CNTN4: variants seen among roughly 807,000 people sequenced by gnomAD.
The protein encoded by CNTN4 is contactin 4.
In CNTN4, 77 loss-of-function variants were observed where a neutral mutation model predicts 122.5. The ratio of observed to expected loss-of-function variants is 0.63; its 90% confidence interval spans 0.52 to 0.76. CNTN4 has a LOEUF of 0.76. Among genes scored for constraint, CNTN4 ranks in the 30% least tolerant of loss-of-function variants. CNTN4 has a pLI of 0.00. For synonymous variants in CNTN4, 512 were observed against 447.0 expected, an observed-to-expected ratio of 1.15 and a Z score of -1.83; for missense variants, 1,256 against 1,259.1, an observed-to-expected ratio of 1.00 and a Z score of 0.04.
chr3:2,256,657 A>C (rs1233204277), intron 2 of CNTN4, among the ~76,000 whole-genome samples: 3 of 151,190 alleles, frequency 2.0e-5, no homozygotes, highest in East Asian at 3.8e-4. Context: ...CAATAGGCAG[A>C]GAGCCAAATC....
At chr3:2,230,168 C>T (rs180787434) in intron 2 of CNTN4, among the ~76,000 whole-genome samples, 89 of 152,310 alleles carry the variant, frequency 5.8e-4, no homozygotes, top group African/African-American at 1.8e-3. Context: ...TACACAGCAG[C>T]GCATTGACAG....
At chr3:3,045,723 T>C (rs1700577869) in intron 23 of CNTN4, among the ~76,000 whole-genome samples, 1 of 152,018 alleles carries the variant, frequency 6.6e-6, no homozygotes, top group African/African-American at 2.4e-5. Flanking sequence ...TCAGAGCACC[T>C]CTCCTCCTCC....
At chr3:2,855,590 C>A (rs556543204) in intron 7 of CNTN4, among the ~76,000 whole-genome samples, 9 of 152,164 alleles carry the variant, frequency 5.9e-5, no homozygotes, top group Admixed American at 1.3e-4. Flanking sequence ...TTTAACTTTC[C>A]TTGTGCATAG....
At chr3:2,223,932 A>T (rs1303741935) in intron 2 of CNTN4, among the ~76,000 whole-genome samples, 1 of 152,100 alleles carries the variant, frequency 6.6e-6, no homozygotes, top group Non-Finnish European at 1.5e-5. Flanking sequence ...AGCTTACACA[A>T]AGGGATAGGA....
chr3:2,872,369 A>C (rs1374722516), intron 8 of CNTN4, among the ~76,000 whole-genome samples: 1 of 152,182 alleles, frequency 6.6e-6, no homozygotes, highest in African/African-American at 2.4e-5. Context: ...ACACACAGGG[A>C]AATCATTTAG....
intron 5 of CNTN4, among the ~76,000 whole-genome samples, chr3:2,742,446 C>G (rs1027120716): frequency 1.3e-5 from 2 of 152,180 alleles, no homozygotes; most frequent in Admixed American, 6.5e-5. Context: ...AGTACTTTTG[C>G]TGAGGTTTGT....
intron 13 of CNTN4, among the ~76,000 whole-genome samples, chr3:2,981,326 C>T (rs892443335): frequency 1.3e-5 from 2 of 151,750 alleles, no homozygotes; most frequent in South Asian, 2.1e-4. Context: ...CGCCTGTAGT[C>T]CCAGCTACTC....
chr3:2,739,695 CAT>C (rs1212140165), intron 5 of CNTN4, among the ~76,000 whole-genome samples: 3 of 152,122 alleles, frequency 2.0e-5, no homozygotes, highest in African/African-American at 7.2e-5. Flanking sequence ...AGGAGAAAAA[CAT>C]ATTTATTTAA....
At position 2,902,910 on chromosome 3, in the gene CNTN4, T is replaced by C. The variant is rs2094190415; in HGVS notation, c.1112T>C (p.Ile371Thr). The change falls in exon 12 of 25, where the codon ATA becomes ACA. Residue 371 changes from isoleucine (I) to threonine (T), a missense_variant. Transcript: ENST00000418658. Reference sequence around the variant, plus strand: ...CAAATTGAGCAAGGAACACTCAACATAACAATAGTGAACCTCTCAGATGCT... The same window carrying C: ...CAAATTGAGCAAGGAACACTCAACACAACAATAGTGAACCTCTCAGATGCT... ...RIQIEQGTLN[I>T]TIVNLSDAGM... 1 of 1,613,736 alleles carries C rather than the reference T, an allele frequency of 6.2e-7. No homozygotes were observed. The highest frequency in any genetic ancestry group is 1.7e-5 in the Admixed American group (1 of 59,984).
chr3:2,654,853 C>A (rs967004003), intron 4 of CNTN4, among the ~76,000 whole-genome samples: 1 of 152,112 alleles, frequency 6.6e-6, no homozygotes, highest in African/African-American at 2.4e-5. Context: ...TTTGCTTCTT[C>A]TTCTTATCTT....
At chr3:2,573,258 T>A (rs931162857) in intron 4 of CNTN4, among the ~76,000 whole-genome samples, 2 of 152,224 alleles carry the variant, frequency 1.3e-5, no homozygotes, top group African/African-American at 4.8e-5. Context: ...TACTTATACA[T>A]CTTTTAATAG....
At chr3:2,776,437 C>T (rs1473398219) in intron 6 of CNTN4, among the ~76,000 whole-genome samples, 1 of 151,846 alleles carries the variant, frequency 6.6e-6, no homozygotes, top group Non-Finnish European at 1.5e-5. Flanking sequence ...CTCCTCTGAG[C>T]CAGGAATAAG....
intron 2 of CNTN4, among the ~76,000 whole-genome samples, chr3:2,113,726 G>C (rs1203637783): frequency 3.3e-5 from 5 of 152,200 alleles, no homozygotes; most frequent in African/African-American, 1.2e-4. Flanking sequence ...AATATGGGTA[G>C]AATATAGTCA....
At chr3:2,833,604 A>T (rs1293867090) in intron 7 of CNTN4, among the ~76,000 whole-genome samples, 1 of 145,152 alleles carries the variant, frequency 6.9e-6, no homozygotes, top group Non-Finnish European at 1.5e-5. Flanking sequence ...AAGAAAAAAA[A>T]TTATGGTATT....
chr3:2,471,718 A>G lies in CNTN4; in HGVS notation c.-88-99698A>G, dbSNP rs576709335. 1.8e-3 allele frequency among the ~76,000 whole-genome samples: 278 copies of G among 152,174 alleles called. 1 individual carries two copies. The highest frequency in any genetic ancestry group is 1.2e-3 in the Non-Finnish European group (82 of 68,038). ...TGATCATGGCATGTGCCAACGGGAA[A>G]TTAAAAAAGCTCTCCTCTAAATGTT... is the stretch of plus-strand genomic sequence containing the variant. On this transcript the variant is annotated intron_variant, in intron 3 of 24. Coordinates refer to ENST00000418658, the MANE Select transcript of CNTN4 (RefSeq NM_175607.3).
intron 3 of CNTN4, among the ~76,000 whole-genome samples, chr3:2,521,350 C>T (rs536528312): frequency 1.2e-5 from 1 of 80,698 alleles, no homozygotes; most frequent in Non-Finnish European, 2.4e-5. Context: ...CCATCCCCCC[C>T]ACCCCCCGCA....
chr3:2,528,829 T>C (rs1436111567), intron 3 of CNTN4, among the ~76,000 whole-genome samples: 1 of 152,068 alleles, frequency 6.6e-6, no homozygotes, highest in Non-Finnish European at 1.5e-5. Flanking sequence ...TTTTTTTCAC[T>C]GAGACATAAT....
chr3:2,173,315 A>G (rs542916142), intron 2 of CNTN4, among the ~76,000 whole-genome samples: 6 of 152,304 alleles, frequency 3.9e-5, no homozygotes, highest in African/African-American at 4.8e-5. Flanking sequence ...CGGTTGATGG[A>G]CTTCAGCCAA....
Position 3,040,931 on chromosome 3 carries a change from A to G in CNTN4, c.2398+660A>G, listed in dbSNP as rs894416302. ...AACAAGAGCAAAACTCCATCTCAAAAAAAAAAAAAAATCTCACTTATTAAA... is the reference window on the plus strand; with the variant it reads ...AACAAGAGCAAAACTCCATCTCAAAGAAAAAAAAAAATCTCACTTATTAAA... On this transcript the variant is annotated intron_variant, in intron 20 of 24. Coordinates refer to ENST00000418658, the MANE Select transcript of CNTN4 (RefSeq NM_175607.3). The G allele has an allele frequency of 4.0e-5, 6 of 149,158 alleles. 1 individual carries two copies. The highest frequency in any genetic ancestry group is 1.6e-4 in the African/African-American group (6 of 38,660). 9.2% of individuals were successfully genotyped at this position (149,158 alleles called of 1,614,324 possible).
Sources: gnomAD v4.1 joint callset for allele counts (sites outside exome capture counted in the v4.1 genomes callset) on GRCh38, gnomAD v4.1.1 for gene constraint, MANE v1.5 for transcripts, NCBI Gene and HGNC (gene_info 2026-07-23, HGNC 2026-07-21) for gene names.